Variants in KIAA1217 observed in about 807,000 individuals in gnomAD.
KIAA1217 encodes the protein sickle tail protein homolog.
A neutral mutation model predicts 163.9 loss-of-function variants in KIAA1217; 88 were observed. The observed-to-expected ratio is 0.54, with a 90% CI of 0.45 to 0.64. The LOEUF is 0.64. Among genes scored for constraint, KIAA1217 ranks in the 30% least tolerant of loss-of-function variants. The pLI, the probability that KIAA1217 is intolerant of heterozygous loss-of-function variation, is 0.00. For synonymous variants in KIAA1217, 903 were observed against 923.1 expected (o/e 0.98, Z 0.39); for missense variants, 2,372 against 2,475.0 (o/e 0.96, Z 0.88).
At chr10:24,215,349 A>C (rs1487671171) in intron 1 of KIAA1217, among the ~76,000 whole-genome samples, 1 of 152,204 alleles carries the variant, frequency 6.6e-6, no homozygotes, top group Admixed American at 6.5e-5. Context: ...CCTTGCCTTC[A>C]TGCTACAGCT....
At chr10:24,499,561 C>T (rs548736328) in intron 8 of KIAA1217, among the ~76,000 whole-genome samples, 4 of 152,070 alleles carry the variant, frequency 2.6e-5, no homozygotes, top group Non-Finnish European at 5.9e-5. Context: ...GGTGAAACCT[C>T]GTCTCTACTA....
chr10:24,254,566 T>C (rs2074933708), intron 2 of KIAA1217, among the ~76,000 whole-genome samples: 1 of 152,196 alleles, frequency 6.6e-6, no homozygotes, highest in African/African-American at 2.4e-5. Flanking sequence ...CTTTCTTTAT[T>C]CTGTTGTTCT....
Position 24,152,175 on chromosome 10 carries a change from A to G in KIAA1217, c.-170-67451A>G, listed in dbSNP as rs12254321. ...CCTCTCTCTTTTTCTGTAGCTCAGC[A>G]TTTAGTATTCATGCAGCGAGCATAT... On this transcript the variant is annotated intron_variant, in intron 2 of 18. Transcript: ENST00000376462. 3.2e-3 allele frequency among the ~76,000 whole-genome samples: 481 copies of G among 152,226 alleles called. 1 individual carries two copies. Among genetic ancestry groups the G allele is most frequent in the African/African-American group, 0.011 (450 of 41,516 alleles).
intron 1 of KIAA1217, among the ~76,000 whole-genome samples, chr10:23,868,672 C>A (rs1840309021): frequency 6.6e-6 from 1 of 152,086 alleles, no homozygotes; most frequent in Non-Finnish European, 1.5e-5. Context: ...TTGTGACCAA[C>A]CTCTAGGACA....
intron 2 of KIAA1217, among the ~76,000 whole-genome samples, chr10:24,009,884 A>T (rs1433628533): frequency 1.3e-5 from 2 of 152,084 alleles, no homozygotes; most frequent in African/African-American, 4.8e-5. Flanking sequence ...TGTGATTAAG[A>T]CTTACTCTGT....
chr10:23,762,229 A>G (rs1227355058), intron 1 of KIAA1217, among the ~76,000 whole-genome samples: 1 of 152,172 alleles, frequency 6.6e-6, no homozygotes, highest in Admixed American at 6.6e-5. Flanking sequence ...AAATGATTCC[A>G]AACAATTGAA....
At chr10:24,360,109 C>T (rs220349) in intron 2 of KIAA1217, among the ~76,000 whole-genome samples, 36,904 of 136,794 alleles carry the variant, frequency 0.27, 4,944 homozygotes, top group South Asian at 0.39. Flanking sequence ...TACAGTGGCA[C>T]AATCTGGGAT....
At chr10:23,776,065 G>T (rs549661796) in intron 1 of KIAA1217, among the ~76,000 whole-genome samples, 1 of 152,196 alleles carries the variant, frequency 6.6e-6, no homozygotes, top group African/African-American at 2.4e-5. Flanking sequence ...TTATAGGGCA[G>T]GTCATGTTCA....
intron 1 of KIAA1217, among the ~76,000 whole-genome samples, chr10:23,882,480 C>T (rs895344204): frequency 6.6e-6 from 1 of 151,830 alleles, no homozygotes; most frequent in African/African-American, 2.4e-5. Context: ...TTGGGAAACA[C>T]GGTTTTACAC....
chr10:24,520,643 A>ATATATCTATATATAT (rs1554926707), intron 11 of KIAA1217, among the ~76,000 whole-genome samples: 1 of 88,190 alleles, frequency 1.1e-5, no homozygotes. Context: ...AAAAAAAAAA[A>ATATATCTATATATAT]AAAAAAAAAT....
chr10:24,357,112 A>C (rs1392952507), intron 2 of KIAA1217, among the ~76,000 whole-genome samples: 2 of 152,004 alleles, frequency 1.3e-5, no homozygotes, highest in South Asian at 2.1e-4. Flanking sequence ...AAGATGCCCC[A>C]CTCGTACCAC....
intron 13 of KIAA1217, among the ~76,000 whole-genome samples, chr10:24,527,327 T>G (rs117966204): frequency 0.061 from 8,710 of 141,878 alleles, 364 homozygotes; most frequent in South Asian, 0.13. Flanking sequence ...AGGCTGGGCA[T>G]GGTGGCTCAT....
chr10:23,896,794 G>T (rs1841725011), intron 1 of KIAA1217, among the ~76,000 whole-genome samples: 1 of 151,986 alleles, frequency 6.6e-6, no homozygotes, highest in African/African-American at 2.4e-5. Flanking sequence ...TTAAATTTTT[G>T]AAGTTTGTTA....
intron 1 of KIAA1217, among the ~76,000 whole-genome samples, chr10:23,761,551 A>C (rs928247518): frequency 6.6e-6 from 1 of 151,970 alleles, no homozygotes; most frequent in African/African-American, 2.4e-5. Context: ...TTTCCATGTA[A>C]TTGTATGGTT....
chr10:23,762,521 G>T (rs915512917), intron 1 of KIAA1217, among the ~76,000 whole-genome samples: 2 of 152,132 alleles, frequency 1.3e-5, no homozygotes, highest in Non-Finnish European at 1.5e-5. Context: ...AAAACCACAT[G>T]ATTATCTCAA....
At chr10:23,814,819 C>CAA (rs11396330) in intron 1 of KIAA1217, among the ~76,000 whole-genome samples, 1,903 of 146,188 alleles carry the variant, frequency 0.013, 44 homozygotes, top group African/African-American at 0.038. Flanking sequence ...AGTAGATAAC[C>CAA]AAAAAAAAAA....
chr10:24,498,328 T>C (rs1244300159), intron 8 of KIAA1217, among the ~76,000 whole-genome samples: 2 of 151,944 alleles, frequency 1.3e-5, no homozygotes, highest in African/African-American at 4.8e-5. Flanking sequence ...TCAAAGTGAC[T>C]AAAAGGAAAA....
intron 14 of KIAA1217, among the ~76,000 whole-genome samples, chr10:24,531,591 AT>A (rs2073135685): frequency 6.6e-6 from 1 of 152,196 alleles, no homozygotes; most frequent in South Asian, 2.1e-4. Context: ...AGGAAAGTAT[AT>A]TATACTACCC....
At chr10:23,772,499 G>A (rs187747044) in intron 1 of KIAA1217, among the ~76,000 whole-genome samples, 12 of 152,254 alleles carry the variant, frequency 7.9e-5, no homozygotes, top group African/African-American at 2.9e-4. Context: ...TAATACTTAG[G>A]AGCACCAGGC....
Sources: gnomAD v4.1 joint callset for allele counts (sites outside exome capture counted in the v4.1 genomes callset) on GRCh38, gnomAD v4.1.1 for gene constraint, MANE v1.5 for transcripts, NCBI Gene and HGNC (gene_info 2026-07-23, HGNC 2026-07-21) for gene names.